Variants in INSYN2B observed in about 807,000 individuals in gnomAD.
INSYN2B encodes the protein protein INSYN2B.
In INSYN2B, 16 loss-of-function variants were observed where a neutral mutation model predicts 41.2. The observed-to-expected ratio is 0.39, with a 90% CI of 0.26 to 0.59. The LOEUF (loss-of-function observed/expected upper bound fraction) is 0.59, where lower values mean the gene tolerates loss of function less well. Among genes scored for constraint, INSYN2B ranks in the 20% least tolerant of loss-of-function variants. The pLI is 0.57. For missense variants in INSYN2B, 608 were observed against 646.4 expected (o/e 0.94, Z 0.64); for synonymous variants, 245 against 244.4 (o/e 1.00, Z -0.02).
intron 1 of INSYN2B, among the ~76,000 whole-genome samples, chr5:169,948,466 C>T (rs922475806): frequency 6.6e-5 from 10 of 152,080 alleles, no homozygotes; most frequent in African/African-American, 2.2e-4. Context: ...CCATCCCCTA[C>T]ATCTCTCTCT....
At chr5:169,915,598 A>T (rs2113634075) in intron 1 of INSYN2B, among the ~76,000 whole-genome samples, 1 of 151,116 alleles carries the variant, frequency 6.6e-6, no homozygotes, top group African/African-American at 2.4e-5. Flanking sequence ...ACACACACAC[A>T]CACAGAGGGA....
Position 169,883,541 on chromosome 5 carries a change from A to T in INSYN2B, c.358T>A (p.Ser120Thr). The change falls in exon 2 of 4, where the codon TCC (serine) becomes ACC (threonine). Residue 120 changes from serine (S) to threonine (T), a missense_variant. Physicochemically the swap from Ser to Thr is moderately conservative, Grantham distance 58 (BLOSUM62 1). Transcript: ENST00000377365. ...FKRKRLTASK[S>T]LVEMPTASQS... ...GAGGCTGTTGGCATTTCCACCAGGGACTTACTGGCTGTGAGTCTCTTCCTT... is the reference window on the plus strand; with the variant it reads ...GAGGCTGTTGGCATTTCCACCAGGGTCTTACTGGCTGTGAGTCTCTTCCTT... 2 of 1,551,626 alleles carry T rather than the reference A, an allele frequency of 1.3e-6. No individual in the cohort carries two copies. The highest frequency in any genetic ancestry group is 1.7e-6 in the Non-Finnish European group (2 of 1,146,966).
At chr5:169,977,370 A>G (rs1281108706) in intron 1 of INSYN2B, among the ~76,000 whole-genome samples, 1 of 152,196 alleles carries the variant, frequency 6.6e-6, no homozygotes, top group Non-Finnish European at 1.5e-5. Context: ...AGGAATTTCA[A>G]TGAGCTAATC....
At chr5:169,979,759 G>A (rs1171273480) in intron 1 of INSYN2B, among the ~76,000 whole-genome samples, 6 of 152,290 alleles carry the variant, frequency 3.9e-5, no homozygotes, top group Middle Eastern at 3.4e-3. Flanking sequence ...GTTTTTCTAC[G>A]TGGTAGTGAG....
At chr5:169,941,192 T>C (rs1738990471) in intron 1 of INSYN2B, among the ~76,000 whole-genome samples, 1 of 152,166 alleles carries the variant, frequency 6.6e-6, no homozygotes, top group Non-Finnish European at 1.5e-5. Context: ...AGGTGCTTTT[T>C]AAATTTATTT....
chr5:169,963,931 A>C (rs1777193948), intron 1 of INSYN2B, among the ~76,000 whole-genome samples: 1 of 152,252 alleles, frequency 6.6e-6, no homozygotes. Flanking sequence ...AAGTTTTCGG[A>C]TGCTGCTGCT....
chr5:169,948,239 A>G (rs893851919), intron 1 of INSYN2B, among the ~76,000 whole-genome samples: 2 of 152,232 alleles, frequency 1.3e-5, no homozygotes, highest in African/African-American at 4.8e-5. Context: ...AACAGTGCAG[A>G]TGAAGGCCCT....
chr5:169,894,459 G>A (rs17670285), intron 1 of INSYN2B, among the ~76,000 whole-genome samples: 14,216 of 152,204 alleles, frequency 0.093, 891 homozygotes, highest in Admixed American at 0.17. Context: ...TCTGCAGTGC[G>A]CCATCCACCC....
At chr5:169,881,280 A>G in intron 3 of INSYN2B, 88 bp downstream of exon 3, 1 of 1,116,390 alleles carries the variant, frequency 9.0e-7, no homozygotes, top group Non-Finnish European at 1.3e-6. Flanking sequence ...GCCTCTCTTG[A>G]CTTTTTGCAT....
intron 1 of INSYN2B, among the ~76,000 whole-genome samples, chr5:169,896,385 G>C (rs1773609747): frequency 6.6e-6 from 1 of 152,122 alleles, no homozygotes; most frequent in Non-Finnish European, 1.5e-5. Flanking sequence ...AAAACAGACG[G>C]CTTAGATTTC....
chr5:169,921,075 A>C (rs1217921477), intron 1 of INSYN2B, among the ~76,000 whole-genome samples: 1 of 152,194 alleles, frequency 6.6e-6, no homozygotes, highest in African/African-American at 2.4e-5. Context: ...TCTTTTAAAG[A>C]GTCTCAATCC....
chr5:169,921,074 G>C (rs1775148353), intron 1 of INSYN2B, among the ~76,000 whole-genome samples: 1 of 152,148 alleles, frequency 6.6e-6, no homozygotes, highest in Non-Finnish European at 1.5e-5. Context: ...TTCTTTTAAA[G>C]AGTCTCAATC....
chr5:169,976,731 C>T (rs544688450), intron 1 of INSYN2B, among the ~76,000 whole-genome samples: 9 of 152,302 alleles, frequency 5.9e-5, no homozygotes, highest in East Asian at 5.8e-4. Flanking sequence ...AAGCAGCCTG[C>T]GCTTCTGGCC....
Position 169,863,160 on chromosome 5 carries a change from T to C in INSYN2B, c.*1113A>G, listed in dbSNP as rs182755031. Among the ~76,000 whole-genome samples, 8 of 152,332 alleles carry C rather than the reference T, an allele frequency of 5.3e-5. No individual in the cohort carries two copies. In the East Asian group the frequency reaches 1.2e-3, roughly 22 times the overall value. ...CAGAATGAGCCAGACCTTGAATAAC[T>C]CAGACTTTGGGATGGAAAGATATTT... On this transcript the variant is annotated 3_prime_UTR_variant, in exon 4 of 4. Transcript: ENST00000377365.
intron 1 of INSYN2B, among the ~76,000 whole-genome samples, chr5:169,889,501 G>A (rs892264680): frequency 6.6e-6 from 1 of 152,196 alleles, no homozygotes; most frequent in African/African-American, 2.4e-5. Context: ...ACAAAACGTT[G>A]TACAGGGTAG....
chr5:169,928,246 C>T (rs958099401), intron 1 of INSYN2B, among the ~76,000 whole-genome samples: 1 of 152,238 alleles, frequency 6.6e-6, no homozygotes. Context: ...ACAGTTATTG[C>T]TGCCACAGGT....
chr5:169,864,618 C>T (rs904899165), intron 3 of INSYN2B, among the ~76,000 whole-genome samples, 159 bp from the exon 4 acceptor site: 3 of 152,178 alleles, frequency 2.0e-5, no homozygotes, highest in Admixed American at 6.5e-5. Flanking sequence ...AAAGTGATGC[C>T]ACCTCTCTGA....
rs11390591 is a variant in INSYN2B at position 169,875,185 on chromosome 5, TAA to T, written c.1421+6181_1421+6182del. On this transcript the variant is annotated intron_variant, in intron 3 of 3. Transcript: ENST00000377365. ...TCTTTCAAGACCCTGATTTTTTACC[TAA>T]AAAAATCCTTCTGCTTTATTTGAAC... 8 of 455,940 alleles carry T rather than the reference TAA, an allele frequency of 1.8e-5. No homozygotes were observed. The East Asian group carries it at 5.6e-4, about 32-fold the overall frequency. 28.2% of individuals were successfully genotyped at this position (455,940 alleles called of 1,614,324 possible). A position where few individuals can be genotyped will look rare whatever the true frequency, so the allele number is the denominator to read the frequency against.
intron 3 of INSYN2B, among the ~76,000 whole-genome samples, chr5:169,865,192 G>T (rs1241957910): frequency 3.3e-5 from 5 of 152,268 alleles, no homozygotes; most frequent in South Asian, 2.1e-4. Context: ...CGTTGTTGTT[G>T]TTGTTGGCTA....
Sources: allele counts gnomAD v4.1 joint callset (sites outside exome capture counted in the v4.1 genomes callset), GRCh38; gene constraint gnomAD v4.1.1; transcripts MANE v1.5; gene names NCBI Gene and HGNC (gene_info 2026-07-23, HGNC 2026-07-21).